The following NPFFR2 variants were observed in gnomAD, a reference collection of about 807,000 sequenced individuals.
NPFFR2 encodes G-protein coupled receptor 74.
A neutral mutation model predicts 13.1 loss-of-function variants in NPFFR2; 15 were observed. The observed-to-expected ratio is 1.15, with a 90% CI of 0.77 to 1.76. NPFFR2 has a LOEUF of 1.76. NPFFR2 is among the 40% of genes most tolerant of loss of function. The pLI is 0.00. For synonymous variants in NPFFR2, 190 were observed against 175.7 expected (o/e 1.08, Z -0.65); for missense variants, 572 against 503.5 (o/e 1.14, Z -1.30).
intron 1 of NPFFR2, among the ~76,000 whole-genome samples, chr4:72,068,051 T>C (rs4694459): frequency 0.96 from 146,260 of 152,290 alleles, 70,527 homozygotes; most frequent in East Asian, 1. Context: ...AGTTTTCCAG[T>C]CTGTAGCCAT....
At chr4:72,125,209 A>G (rs971347700) in intron 1 of NPFFR2, among the ~76,000 whole-genome samples, 2 of 152,244 alleles carry the variant, frequency 1.3e-5, no homozygotes, top group Non-Finnish European at 2.9e-5. Flanking sequence ...GAGAAATGCA[A>G]ATCAAAACTA....
At chr4:72,063,428 T>G (rs180875732) in intron 1 of NPFFR2, among the ~76,000 whole-genome samples, 1 of 152,302 alleles carries the variant, frequency 6.6e-6, no homozygotes, top group Admixed American at 6.5e-5. Context: ...AATAATGTTG[T>G]GCAGCAGGGA....
intron 1 of NPFFR2, among the ~76,000 whole-genome samples, chr4:72,058,172 T>A (rs1719813927): frequency 6.6e-6 from 1 of 151,994 alleles, no homozygotes; most frequent in Non-Finnish European, 1.5e-5. Context: ...TGTAGGAGAA[T>A]GTGTTTATTT....
rs1003760357 is a variant in NPFFR2, at chr4:72,032,029, C to G, written c.-179C>G. ...AGCGTCCAGCAGCGCGGCGGGCCAG[C>G]CTGGAGCGGAAGCCTGGAGTGGAGC... is the stretch of plus-strand genomic sequence containing the variant. On this transcript the variant is annotated 5_prime_UTR_variant, in exon 1 of 4. Transcript: ENST00000308744. 1.2e-6 allele frequency: 2 copies of G among 1,613,884 alleles called. No individual in the cohort carries two copies. Among genetic ancestry groups the G allele is most frequent in the Middle Eastern group, 1.7e-4 (1 of 6,060 alleles).
Position 72,134,567 on chromosome 4 carries a change from G to A in NPFFR2, c.329-3473G>A, listed in dbSNP as rs1028613852. ...TTCTTATTTTACATATATCTTATCCGTGCTGAGCCTTGGAAAGTGCTGTAT... is the reference window on the plus strand; with the variant it reads ...TTCTTATTTTACATATATCTTATCCATGCTGAGCCTTGGAAAGTGCTGTAT... On this transcript the variant is annotated intron_variant, in intron 2 of 3. Coordinates refer to ENST00000308744, the MANE Select transcript of NPFFR2 (RefSeq NM_004885.3). 6.6e-5 allele frequency among the ~76,000 whole-genome samples: 10 copies of A among 152,056 alleles called. No individual in the cohort carries two copies. The South Asian group carries it at 1.0e-3, about 16-fold the overall frequency.
chr4:72,058,286 T>C (rs1719818966), intron 1 of NPFFR2, among the ~76,000 whole-genome samples: 1 of 151,878 alleles, frequency 6.6e-6, no homozygotes, highest in South Asian at 2.1e-4. Context: ...AAAGAAAATT[T>C]AGTAAATATG....
chr4:72,091,941 T>C (rs964404366), intron 1 of NPFFR2, among the ~76,000 whole-genome samples: 7 of 152,122 alleles, frequency 4.6e-5, no homozygotes, highest in African/African-American at 1.7e-4. Flanking sequence ...TGTCTATTTG[T>C]GCTCTTTCTG....
chr4:72,100,160 T>TAATTCATTTTC lies in NPFFR2; in HGVS notation c.-7-28424_-7-28423insATTCATTTTCA, dbSNP rs1721198512. On this transcript the variant is annotated intron_variant, in intron 1 of 3. Coordinates refer to ENST00000308744, the MANE Select transcript of NPFFR2 (RefSeq NM_004885.3). ...AATCATTTTTCATTCTAAAGATGAC[T>TAATTCATTTTC]ATAAGAAGTACAAGAAAAACATTAT... 2.0e-5 allele frequency among the ~76,000 whole-genome samples: 3 copies of TAATTCATTTTC among 152,188 alleles called. No homozygotes were observed. The South Asian group carries it at 6.2e-4, about 31-fold the overall frequency.
intron 1 of NPFFR2, among the ~76,000 whole-genome samples, chr4:72,052,728 T>C (rs918938419): frequency 3.3e-5 from 5 of 151,984 alleles, no homozygotes; most frequent in Non-Finnish European, 7.4e-5. Context: ...TTAGGAGAGA[T>C]TAACTAAGAG....
intron 1 of NPFFR2, among the ~76,000 whole-genome samples, chr4:72,058,290 A>G (rs980606750): frequency 3.3e-5 from 5 of 151,994 alleles, no homozygotes; most frequent in African/African-American, 1.2e-4. Context: ...AAAATTTAGT[A>G]AATATGGCAA....
chr4:72,083,633 A>G (rs1177862445), intron 1 of NPFFR2, among the ~76,000 whole-genome samples: 2 of 151,994 alleles, frequency 1.3e-5, no homozygotes, highest in Non-Finnish European at 2.9e-5. Flanking sequence ...ATATTGCAGG[A>G]CTCTGAGCTT....
chr4:72,147,224 C>T lies in NPFFR2; in HGVS notation c.675C>T (p.Ala225=), dbSNP rs374367425. ...MRKIYTTVLF[A]NIYLAPLSLI... ...AGATCTACACCACTGTGCTGTTTGC[C>T]AACATCTACCTGGCTCCCCTCTCCC... is the stretch of plus-strand genomic sequence containing the variant. The change falls in exon 4 of 4, where the codon GCC becomes GCT. Residue 225 remains alanine (A), a synonymous_variant. Coordinates refer to ENST00000308744, the MANE Select transcript of NPFFR2 (RefSeq NM_004885.3). 40 of 1,614,040 alleles carry T rather than the reference C, an allele frequency of 2.5e-5. No individual in the cohort carries two copies. Among genetic ancestry groups the T allele is most frequent in the Admixed American group, 8.3e-5 (5 of 59,990 alleles).
At chr4:72,139,762 A>AACTT (rs1244369365) in intron 3 of NPFFR2, among the ~76,000 whole-genome samples, 1 of 151,570 alleles carries the variant, frequency 6.6e-6, no homozygotes, top group African/African-American at 2.4e-5. Flanking sequence ...GTTCCATATG[A>AACTT]ACTTTAAAGT....
chr4:72,078,175 C>T (rs1470680246), intron 1 of NPFFR2, among the ~76,000 whole-genome samples: 1 of 151,902 alleles, frequency 6.6e-6, no homozygotes, highest in East Asian at 1.9e-4. Flanking sequence ...ATATAGGTAC[C>T]CTATTGTTCC....
intron 2 of NPFFR2, among the ~76,000 whole-genome samples, chr4:72,132,351 A>G (rs192712565): frequency 6.6e-5 from 10 of 152,358 alleles, no homozygotes; most frequent in African/African-American, 2.2e-4. Flanking sequence ...ATGGCTACAT[A>G]GTATTCCATG....
chr4:72,134,274 A>T (rs1245339398), intron 2 of NPFFR2, among the ~76,000 whole-genome samples: 1 of 152,076 alleles, frequency 6.6e-6, no homozygotes, highest in East Asian at 1.9e-4. Context: ...CAAAAATAAA[A>T]AATAAAAATT....
At chr4:72,070,706 T>C (rs1720227467) in intron 1 of NPFFR2, among the ~76,000 whole-genome samples, 2 of 152,000 alleles carry the variant, frequency 1.3e-5, no homozygotes, top group South Asian at 4.1e-4. Context: ...GGGAAGTGGC[T>C]CCATTTTGAT....
intron 1 of NPFFR2, among the ~76,000 whole-genome samples, chr4:72,101,920 A>G (rs1380013801): frequency 6.6e-6 from 1 of 152,134 alleles, no homozygotes; most frequent in Non-Finnish European, 1.5e-5. Context: ...CAAATATTGA[A>G]TATCAACTCT....
At chr4:72,038,371 C>T (rs1415569350) in intron 1 of NPFFR2, among the ~76,000 whole-genome samples, 1 of 152,144 alleles carries the variant, frequency 6.6e-6, no homozygotes, top group South Asian at 2.1e-4. Context: ...ATATTTATTG[C>T]TGGCCTTAGT....
Sources: allele counts gnomAD v4.1 joint callset (sites outside exome capture counted in the v4.1 genomes callset), GRCh38; gene constraint gnomAD v4.1.1; transcripts MANE v1.5; gene names NCBI Gene and HGNC (gene_info 2026-07-23, HGNC 2026-07-21).